GOLGA2: variants seen among roughly 807,000 people sequenced by gnomAD.
GOLGA2 encodes the protein golgin subfamily A member 2.
Under a neutral mutation model 148.8 loss-of-function variants are expected in GOLGA2, and 49 were observed. The observed-to-expected ratio is 0.33, with a 90% confidence interval of 0.26 to 0.42. The LOEUF (loss-of-function observed/expected upper bound fraction) is 0.42, where lower values mean the gene tolerates loss of function less well. Ranked by LOEUF, GOLGA2 falls within the 10% of genes least tolerant of loss-of-function variation. The pLI is 1.00. For missense variants in GOLGA2, 1,178 were observed against 1,304.6 expected (o/e 0.90, Z 1.49); for synonymous variants, 501 against 511.8 (o/e 0.98, Z 0.28).
At chr9:128,267,318 G>A (rs1049139752) in intron 7 of GOLGA2, 44 bp from the exon 8 acceptor site, 2 of 1,432,196 alleles carry the variant, frequency 1.4e-6, no homozygotes, top group African/African-American at 1.4e-5. Flanking sequence ...GGATTGGGGG[G>A]AGAGGTAGAG....
At position 128,261,459 on chromosome 9, in the gene GOLGA2, C is replaced by CTGACA. The variant is rs1412915419; in HGVS notation, c.1322_1326dup (p.Glu443CysfsTer8). 1 of 1,578,800 alleles carries CTGACA rather than the reference C, an allele frequency of 6.3e-7. No individual in the cohort carries two copies. On this transcript the variant is annotated frameshift_variant, in exon 16 of 27. Coordinates refer to ENST00000611957, the MANE Select transcript of GOLGA2 (RefSeq NM_001366244.2). LOFTEE classifies it high-confidence loss of function. This position sits in a 1 kb window ranked among gnomAD's most constrained non-coding sequence, Gnocchi z 5.7. ...GCTGAAGGGTCAGGTCTCACCTGCTCTGACATCTGCTGCATCCTCTGCCGC... is the reference window on the plus strand; with the variant it reads ...GCTGAAGGGTCAGGTCTCACCTGCTCTGACATGACATCTGCTGCATCCTCTGCCGC...
rs981013714 is a variant in GOLGA2 at position 128,267,213 on chromosome 9, T to C, written c.623A>G (p.Asn208Ser). ...TCTTACCAATTTCTCTATCGTGATA[T>C]TGAGTTGTTTGTTTGTTACATAGCT... Reference protein sequence around the residue: ...DSSYVTNKQLNITIEKLKQQN... With the variant: ...DSSYVTNKQLSITIEKLKQQN... Residue 208 changes from asparagine (N) to serine (S), a missense_variant, in exon 8 of 27, where the codon AAT becomes AGT. Around this residue, in one of 5 missense-constraint regions of GOLGA2, gnomAD observed 304 missense variants for 404.1 expected, o/e 0.75. Transcript: ENST00000611957. 13 of 1,597,356 alleles carry C rather than the reference T, an allele frequency of 8.1e-6. No homozygotes were observed. Among genetic ancestry groups the C allele is most frequent in the African/African-American group, 2.7e-5 (2 of 74,566 alleles).
In GOLGA2 at chr9:128,259,190, G is replaced by A. The variant is rs138214998; in HGVS notation, c.2074C>T (p.Arg692Cys). ...ACCTGGGTTTCCTGCAACTCTTGGC[G>A]GGCCATCTCGGCCACCGCTTTGCCC... ...AQGKAVAEMARQELQETQERL... is the reference protein window; with the variant it reads ...AQGKAVAEMACQELQETQERL... Residue 692 changes from arginine to cysteine, a missense_variant, in exon 20 of 27, where the codon CGC (arginine) becomes TGC (cysteine). Physicochemically the swap from Arg to Cys is radical, Grantham distance 180. Transcript: ENST00000611957. 2.9e-4 allele frequency: 465 copies of A among 1,588,348 alleles called. 2 individuals carry two copies. The African/African-American group carries it at 5.5e-3, about 19-fold the overall frequency.
chr9:128,258,961 C>CT lies in GOLGA2; in HGVS notation c.2173+45dup, dbSNP rs916725846. ...AATTCTACGCTGCTAACAGTCCCCC[C>CT]TTCTTCCTGGGGCTCTCTCCTCTTC... On this transcript the variant is annotated intron_variant, in intron 21 of 26. Transcript: ENST00000611957. This position sits in a 1 kb window ranked among gnomAD's most constrained non-coding sequence, Gnocchi z 6.6. 7 of 1,248,900 alleles carry CT rather than the reference C, an allele frequency of 5.6e-6. No individual in the cohort carries two copies. The highest frequency in any genetic ancestry group is 1.5e-5 in the African/African-American group (1 of 68,196). The allele number at this position is 1,248,900 out of a possible 1,614,324, so 77.4% of individuals were successfully genotyped here. A position where few individuals can be genotyped will look rare whatever the true frequency, so the allele number is the denominator to read the frequency against.
intron 14 of GOLGA2, among the ~76,000 whole-genome samples, chr9:128,262,269 G>A (rs980275807): frequency 6.6e-6 from 1 of 151,164 alleles, no homozygotes; most frequent in Non-Finnish European, 1.5e-5. Context: ...ACAGACTCAT[G>A]AGCTAGCCAT....
In GOLGA2 at chr9:128,257,685, C is replaced by G; in HGVS notation, c.2634G>C (p.Gln878His). 18 of 1,614,152 alleles carry G rather than the reference C, an allele frequency of 1.1e-5. No individual in the cohort carries two copies. Among genetic ancestry groups the G allele is most frequent in the Non-Finnish European group, 1.5e-5 (18 of 1,179,992 alleles). ...DTIGEYIALY[Q>H]SQRAVLKERH... ...GCTCCTTCAGCACTGCCCTCTGGCTCTGGTACAGTGCAATGTACTCTCCTG... is the reference window on the plus strand; with the variant it reads ...GCTCCTTCAGCACTGCCCTCTGGCTGTGGTACAGTGCAATGTACTCTCCTG... Residue 878 changes from glutamine (Q) to histidine (H), a missense_variant, in exon 25 of 27, where the codon CAG becomes CAC. Physicochemically the swap from Gln to His is conservative, Grantham distance 24. Coordinates refer to ENST00000611957, the MANE Select transcript of GOLGA2 (RefSeq NM_001366244.2). This position sits in a 1 kb window ranked among gnomAD's most constrained non-coding sequence, Gnocchi z 8.0.
In GOLGA2 at chr9:128,259,002, C is replaced by T. The variant is rs781456494; in HGVS notation, c.2173+5G>A. On this transcript the variant is annotated splice_donor_5th_base_variant and intron_variant, in intron 21 of 26. Transcript: ENST00000611957. ...TCTCCTCTTCCTGTGAGCAGGTTCC[C>T]GTACCTTCCCCAGGGTGAGCCATGA... 8 of 1,576,780 alleles carry T rather than the reference C, an allele frequency of 5.1e-6. No individual in the cohort carries two copies. Among genetic ancestry groups the T allele is most frequent in the Middle Eastern group, 3.4e-4 (2 of 5,944 alleles).
chr9:128,265,716 G>C lies in GOLGA2; in HGVS notation c.827-25C>G, dbSNP rs55782374. ...CCTGGAATGAGAGAGGTTGAGATGGGGCCCAAAGGACTCCCCCTAAAGGCC... is the reference window on the plus strand; with the variant it reads ...CCTGGAATGAGAGAGGTTGAGATGGCGCCCAAAGGACTCCCCCTAAAGGCC... On this transcript the variant is annotated intron_variant, in intron 11 of 26. Transcript: ENST00000611957. 6.4e-4 allele frequency: 1,031 copies of C among 1,611,400 alleles called. 4 individuals carry two copies. The African/African-American group carries it at 0.012, about 19-fold the overall frequency.
At chr9:128,267,818 T>C (rs1277145526) in intron 6 of GOLGA2, 116 bp downstream of exon 6, 6 of 853,652 alleles carry the variant, frequency 7.0e-6, no homozygotes, top group East Asian at 5.2e-5. Context: ...TTCCTTAACA[T>C]TGCCCAGCAC....
chr9:128,260,143 T>A lies in GOLGA2; in HGVS notation c.1805A>T (p.His602Leu), dbSNP rs775404277. Residue 602 changes from histidine (H) to leucine (L), a missense_variant, in exon 19 of 27, where the codon CAC becomes CTC. Around this residue, in one of 5 missense-constraint regions of GOLGA2, gnomAD observed 529 missense variants for 521.8 expected, o/e 1.01. Transcript: ENST00000611957. The surrounding 1 kb of genome is among the most constrained non-coding windows in gnomAD (Gnocchi z 4.8). ...CTTCTTTCCCAGCTCCCTCTTGACG[T>A]GCTGCTCCGACTGCAGTGCGCTGGT... is the stretch of plus-strand genomic sequence containing the variant. The part of the protein sequence containing the change: ...EITSALQSEQ[H>L]VKRELGKKLG... 44 of 1,610,730 alleles carry A rather than the reference T, an allele frequency of 2.7e-5. No homozygotes were observed. The highest frequency in any genetic ancestry group is 3.5e-5 in the Non-Finnish European group (41 of 1,179,894).
At chr9:128,270,720 T>C (rs558575188) in intron 3 of GOLGA2, among the ~76,000 whole-genome samples, 34 of 151,890 alleles carry the variant, frequency 2.2e-4, no homozygotes, top group African/African-American at 8.0e-4. Flanking sequence ...AAAACCTACA[T>C]TGGAAACAGT....
intron 1 of GOLGA2, among the ~76,000 whole-genome samples, chr9:128,275,094 AC>A (rs554186821): frequency 1.6e-3 from 239 of 152,314 alleles, no homozygotes; most frequent in Non-Finnish European, 2.9e-3. Flanking sequence ...TCACATTGCC[AC>A]CCAGAGATAC....
chr9:128,261,648 C>A lies in GOLGA2; in HGVS notation c.1224+20G>T. 1.3e-6 allele frequency: 2 copies of A among 1,573,344 alleles called. No individual in the cohort carries two copies. The highest frequency in any genetic ancestry group is 1.8e-6 in the Non-Finnish European group (2 of 1,142,804). ...CCTGGGGTCATCTTCCTTCTACATC[C>A]CTCCCCTGCAAAGCCTCACCTGCCC... On this transcript the variant is annotated intron_variant, in intron 15 of 26. Transcript: ENST00000611957. This position sits in a 1 kb window ranked among gnomAD's most constrained non-coding sequence, Gnocchi z 5.7.
Position 128,260,987 on chromosome 9 carries a change from CCTTCGT to C in GOLGA2, c.1420+179_1420+184del. The C allele has an allele frequency of 1.5e-6, 1 of 665,258 alleles. No homozygotes were observed. 41.2% of individuals were successfully genotyped at this position (665,258 alleles called of 1,614,324 possible). A position where few individuals can be genotyped will look rare whatever the true frequency, so the allele number is the denominator to read the frequency against. On this transcript the variant is annotated intron_variant, in intron 17 of 26. Transcript: ENST00000611957. The surrounding 1 kb of genome is among the most constrained non-coding windows in gnomAD (Gnocchi z 4.8). ...CTGTGGGTGGCTGACAACGGGCACT[CCTTCGT>C]CTTTGCTGATGGGGCACTGAGGCTC...
Position 128,261,122 on chromosome 9 carries a change from C to T in GOLGA2, c.1420+50G>A. The T allele has an allele frequency of 7.8e-7, 1 of 1,290,238 alleles. No individual in the cohort carries two copies. The highest frequency in any genetic ancestry group is 1.1e-6 in the Non-Finnish European group (1 of 885,032). The allele number at this position is 1,290,238 out of a possible 1,614,324, so 79.9% of individuals were successfully genotyped here. A position where few individuals can be genotyped will look rare whatever the true frequency, so the allele number is the denominator to read the frequency against. ...CCTGGGGCATTCTAAACCACCCCCACAACCCTCTGACACCATTCCTGCTCC... is the reference window on the plus strand; with the variant it reads ...CCTGGGGCATTCTAAACCACCCCCATAACCCTCTGACACCATTCCTGCTCC... On this transcript the variant is annotated intron_variant, in intron 17 of 26. Transcript: ENST00000611957. The surrounding 1 kb of genome is among the most constrained non-coding windows in gnomAD (Gnocchi z 5.7).
chr9:128,262,859 C>T (rs560118452), intron 13 of GOLGA2, 155 bp from the exon 14 acceptor site: 65 of 823,542 alleles, frequency 7.9e-5, no homozygotes, highest in Admixed American at 1.1e-4. Context: ...AGAAAAGATA[C>T]GAGTTACCCA....
At position 128,258,296 on chromosome 9, in the gene GOLGA2, A is replaced by G; in HGVS notation, c.2290-98T>C. 8.7e-7 allele frequency: 1 copy of G among 1,152,904 alleles called. No homozygotes were observed. Among genetic ancestry groups the G allele is most frequent in the South Asian group, 1.4e-5 (1 of 71,212 alleles). 71.4% of individuals were successfully genotyped at this position (1,152,904 alleles called of 1,614,324 possible). A position where few individuals can be genotyped will look rare whatever the true frequency, so the allele number is the denominator to read the frequency against. ...CTTCCCTTGGGGCCTCAGAGGGTGC[A>G]CTTGTTGGTCCCAAGTGAAATGGTG... On this transcript the variant is annotated intron_variant, in intron 22 of 26. Coordinates refer to ENST00000611957, the MANE Select transcript of GOLGA2 (RefSeq NM_001366244.2). The surrounding 1 kb of genome is among the most constrained non-coding windows in gnomAD (Gnocchi z 6.6).
Position 128,260,579 on chromosome 9 carries a change from G to A in GOLGA2, c.1644C>T (p.Arg548=), listed in dbSNP as rs1443553355. 1.2e-6 allele frequency: 2 copies of A among 1,611,906 alleles called. No homozygotes were observed. The highest frequency in any genetic ancestry group is 1.7e-6 in the Non-Finnish European group (2 of 1,179,998). Residue 548 remains arginine, a synonymous_variant, in exon 18 of 27, where the codon CGC becomes CGT. Transcript: ENST00000611957. This position sits in a 1 kb window ranked among gnomAD's most constrained non-coding sequence, Gnocchi z 4.8. ...AELWGEQAEA[R]RQILETMQND... ...TCTGCATGGTCTCCAGGATTTGCCT[G>A]CGCGCCTCCGCCTGCTCCCCCCAGA...
intron 12 of GOLGA2, among the ~76,000 whole-genome samples, chr9:128,263,562 C>T (rs1398667595): frequency 1.3e-5 from 2 of 152,012 alleles, no homozygotes; most frequent in East Asian, 1.9e-4. Context: ...GGACTACAGG[C>T]CCCCGCCACC....
Sources: gnomAD v4.1 joint callset for allele counts (sites outside exome capture counted in the v4.1 genomes callset) on GRCh38, gnomAD v4.1.1 for gene constraint, gnomAD v4.1.1 regional missense constraint, Gnocchi (gnomAD v3.1) non-coding constraint, MANE v1.5 for transcripts, NCBI Gene and HGNC (gene_info 2026-07-23, HGNC 2026-07-21) for gene names.